SIPA1L3: variants seen among roughly 807,000 people sequenced by gnomAD.
SIPA1L3 encodes signal-induced proliferation-associated 1-like protein 3.
Under a neutral mutation model 150.1 loss-of-function variants are expected in SIPA1L3, and 59 were observed. That is an observed-to-expected ratio of 0.39 (90% confidence interval 0.32 to 0.49). SIPA1L3 has a LOEUF of 0.49. SIPA1L3 is among the 20% of genes least tolerant of loss of function. SIPA1L3 has a pLI of 0.86. For missense variants in SIPA1L3, 2,211 were observed against 2,489.5 expected (o/e 0.89, Z 2.38); for synonymous variants, 1,070 against 1,077.6 (o/e 0.99, Z 0.14).
At chr19:38,028,531 G>A (rs1044276586) in intron 1 of SIPA1L3, among the ~76,000 whole-genome samples, 5 of 152,040 alleles carry the variant, frequency 3.3e-5, no homozygotes, top group African/African-American at 9.7e-5. Flanking sequence ...GCGTCACCCC[G>A]CTAGGTTTCA....
intron 6 of SIPA1L3, among the ~76,000 whole-genome samples, chr19:38,104,626 C>T (rs1970580435): frequency 6.6e-6 from 1 of 152,054 alleles, no homozygotes; most frequent in South Asian, 2.1e-4. Flanking sequence ...GGCTGGAGTG[C>T]ATTAGAACGA....
chr19:38,018,360 C>T (rs1478109131), intron 1 of SIPA1L3, among the ~76,000 whole-genome samples: 1 of 151,950 alleles, frequency 6.6e-6, no homozygotes, highest in African/African-American at 2.4e-5. Context: ...GACGGGGTTT[C>T]ACCATGTTGG....
intron 1 of SIPA1L3, among the ~76,000 whole-genome samples, chr19:37,951,790 G>A (rs1241077439): frequency 1.3e-5 from 2 of 151,058 alleles, no homozygotes; most frequent in East Asian, 3.9e-4. Context: ...CCAGCTACTC[G>A]GGAGGCTGAG....
intron 8 of SIPA1L3, among the ~76,000 whole-genome samples, 195 bp from the exon 9 acceptor site, chr19:38,119,111 G>A (rs1389563092): frequency 6.6e-6 from 1 of 152,168 alleles, no homozygotes; most frequent in East Asian, 1.9e-4. Flanking sequence ...CAGGAGGATT[G>A]CTTGAGGACA....
intron 1 of SIPA1L3, among the ~76,000 whole-genome samples, chr19:38,022,851 G>A (rs1968407983): frequency 6.6e-6 from 1 of 152,230 alleles, no homozygotes; most frequent in Non-Finnish European, 1.5e-5. Flanking sequence ...GGCTCAGCAG[G>A]GAGCCCTGGG....
chr19:38,174,592 C>G (rs1293442686), intron 15 of SIPA1L3, among the ~76,000 whole-genome samples: 1 of 152,024 alleles, frequency 6.6e-6, no homozygotes, highest in African/African-American at 2.4e-5. Flanking sequence ...TGGCTCGCCT[C>G]TCATCCCAGC....
chr19:38,057,154 C>G (rs1212724619), intron 2 of SIPA1L3, among the ~76,000 whole-genome samples: 1 of 151,896 alleles, frequency 6.6e-6, no homozygotes, highest in Non-Finnish European at 1.5e-5. Flanking sequence ...GCCTGTAATC[C>G]CAGCTACTCA....
chr19:38,004,179 AT>A (rs1354654840), intron 1 of SIPA1L3, among the ~76,000 whole-genome samples: 1 of 152,218 alleles, frequency 6.6e-6, no homozygotes, highest in Non-Finnish European at 1.5e-5. Flanking sequence ...GTATATAATT[AT>A]CCCCATTCTA....
intron 8 of SIPA1L3, among the ~76,000 whole-genome samples, chr19:38,111,922 T>C (rs1337840478): frequency 6.7e-6 from 1 of 149,322 alleles, no homozygotes; most frequent in African/African-American, 2.5e-5. Flanking sequence ...CATGCACGCA[T>C]CCGTGCACAC....
intron 2 of SIPA1L3, among the ~76,000 whole-genome samples, chr19:38,051,412 A>C (rs1464723699): frequency 6.6e-6 from 1 of 152,102 alleles, no homozygotes; most frequent in South Asian, 2.1e-4. Flanking sequence ...CTCGTCCAAG[A>C]AGCTCTGGGT....
chr19:37,968,204 C>T (rs1187376451), intron 1 of SIPA1L3, among the ~76,000 whole-genome samples: 2 of 152,030 alleles, frequency 1.3e-5, no homozygotes, highest in Admixed American at 6.6e-5. Flanking sequence ...TCCCGAGTAG[C>T]GGGGATTACA....
Position 38,081,564 on chromosome 19 carries a change from C to T in SIPA1L3, c.-2C>T. 6.3e-7 allele frequency: 1 copy of T among 1,576,058 alleles called. No homozygotes were observed. On this transcript the variant is annotated 5_prime_UTR_variant, in exon 3 of 22. Transcript: ENST00000222345. ...CCAGCAGCACTCCAGTGCCCGTGGA[C>T]TATGACCACCTATCGGGCCATCCCC...
At chr19:37,987,156 G>A (rs1056929693) in intron 1 of SIPA1L3, among the ~76,000 whole-genome samples, 19 of 152,128 alleles carry the variant, frequency 1.2e-4, no homozygotes, top group Admixed American at 9.8e-4. Flanking sequence ...TCAAACTCCC[G>A]ACCTCAGGTG....
intron 15 of SIPA1L3, among the ~76,000 whole-genome samples, chr19:38,174,697 A>G (rs1972401384): frequency 6.6e-6 from 1 of 152,070 alleles, no homozygotes; most frequent in Admixed American, 6.6e-5. Flanking sequence ...TAAAAATACA[A>G]AAATTAGCCA....
chr19:38,103,480 T>A (rs1970552859), intron 6 of SIPA1L3, among the ~76,000 whole-genome samples: 1 of 151,658 alleles, frequency 6.6e-6, no homozygotes, highest in Admixed American at 6.6e-5. Context: ...TACAAAAATG[T>A]AACCAGGTGT....
intron 1 of SIPA1L3, among the ~76,000 whole-genome samples, chr19:37,981,270 C>CA (rs1335145519): frequency 6.6e-6 from 1 of 151,930 alleles, no homozygotes; most frequent in African/African-American, 2.4e-5. Context: ...CCCACCTCTA[C>CA]AAAAAATGAG....
intron 8 of SIPA1L3, among the ~76,000 whole-genome samples, chr19:38,111,116 C>T (rs1970728060): frequency 6.6e-6 from 1 of 151,742 alleles, no homozygotes; most frequent in African/African-American, 2.4e-5. Flanking sequence ...CTTGACCCCC[C>T]CGGGCTCAAA....
intron 1 of SIPA1L3, among the ~76,000 whole-genome samples, chr19:37,986,164 A>G (rs1028394134): frequency 1.3e-4 from 20 of 152,238 alleles, no homozygotes; most frequent in African/African-American, 4.8e-4. Flanking sequence ...CTTCCTGGAT[A>G]GAGCCACAGT....
intron 9 of SIPA1L3, among the ~76,000 whole-genome samples, chr19:38,128,155 A>G (rs1185166202): frequency 6.8e-6 from 1 of 147,432 alleles, no homozygotes; most frequent in Admixed American, 7.0e-5. Context: ...CCTGTGTTCA[A>G]GCGATTCTCC....
Sources: allele counts gnomAD v4.1 joint callset (sites outside exome capture counted in the v4.1 genomes callset), GRCh38; gene constraint gnomAD v4.1.1; transcripts MANE v1.5; gene names NCBI Gene and HGNC (gene_info 2026-07-23, HGNC 2026-07-21).